ANKS1B: variants seen among roughly 807,000 people sequenced by gnomAD.
The protein encoded by ANKS1B is ankyrin repeat and sterile alpha motif domain containing 1B.
In ANKS1B, 36 loss-of-function variants were observed where a neutral mutation model predicts 148.3. That is an observed-to-expected ratio of 0.24 (90% CI 0.19 to 0.32). The LOEUF is 0.32. Among genes scored for constraint, ANKS1B ranks in the 10% least tolerant of loss-of-function variants. ANKS1B has a pLI of 1.00. For missense variants in ANKS1B, 1,157 were observed against 1,542.6 expected, an observed-to-expected ratio of 0.75 and a Z score of 4.19; for synonymous variants, 542 against 560.8, an observed-to-expected ratio of 0.97 and a Z score of 0.47.
At chr12:99,230,429 G>A (rs559286393) in intron 14 of ANKS1B, among the ~76,000 whole-genome samples, 1 of 152,126 alleles carries the variant, frequency 6.6e-6, no homozygotes, top group South Asian at 2.1e-4. Context: ...ATCTCCCTAG[G>A]CCCCTTCTGG....
At chr12:99,777,657 T>C (rs2063790380) in intron 6 of ANKS1B, among the ~76,000 whole-genome samples, 1 of 152,114 alleles carries the variant, frequency 6.6e-6, no homozygotes, top group Non-Finnish European at 1.5e-5. Context: ...CGATCTCGGC[T>C]CACTGCAACC....
chr12:99,742,062 G>A (rs1201741769), intron 8 of ANKS1B, among the ~76,000 whole-genome samples: 3 of 151,838 alleles, frequency 2.0e-5, no homozygotes, highest in Non-Finnish European at 4.4e-5. Flanking sequence ...GAGAACACAT[G>A]GACACATACA....
intron 9 of ANKS1B, among the ~76,000 whole-genome samples, chr12:99,634,512 AT>A (rs1211463338): frequency 3.3e-5 from 5 of 152,210 alleles, no homozygotes; most frequent in African/African-American, 1.2e-4. Context: ...TAATATATCT[AT>A]TTAATGCATA....
At chr12:99,526,264 C>T (rs936135401) in intron 9 of ANKS1B, among the ~76,000 whole-genome samples, 3 of 152,134 alleles carry the variant, frequency 2.0e-5, no homozygotes, top group Non-Finnish European at 4.4e-5. Context: ...TCATTTGTTA[C>T]AGGAGATCGT....
At chr12:99,361,081 A>G (rs192438891) in intron 12 of ANKS1B, among the ~76,000 whole-genome samples, 4 of 152,232 alleles carry the variant, frequency 2.6e-5, no homozygotes, top group African/African-American at 9.6e-5. Context: ...ACTACAGTCA[A>G]CAACAACTTA....
In ANKS1B at chr12:99,185,618, A is replaced by C. The variant is rs185178116; in HGVS notation, c.2420-31223T>G. Among the ~76,000 whole-genome samples the C allele has an allele frequency of 4.5e-3, 686 of 152,252 alleles. 5 individuals carry two copies. The highest frequency in any genetic ancestry group is 0.016 in the African/African-American group (665 of 41,562). ...GCGAGTAGAAGCAGTGTGAGGTGTCACCTCACCTGGAAGTGCAAGGGGTCG... is the reference window on the plus strand; with the variant it reads ...GCGAGTAGAAGCAGTGTGAGGTGTCCCCTCACCTGGAAGTGCAAGGGGTCG... On this transcript the variant is annotated intron_variant, in intron 14 of 26. Transcript: ENST00000683438.
chr12:99,089,612 A>T (rs2053352948), intron 15 of ANKS1B, among the ~76,000 whole-genome samples: 3 of 152,182 alleles, frequency 2.0e-5, no homozygotes, highest in African/African-American at 7.2e-5. Context: ...TCAGGGACTC[A>T]AAAATACTCA....
At chr12:99,921,172 A>G (rs193029903) in intron 1 of ANKS1B, among the ~76,000 whole-genome samples, 3 of 152,252 alleles carry the variant, frequency 2.0e-5, no homozygotes, top group African/African-American at 4.8e-5. Flanking sequence ...AAGGACCTGT[A>G]ATCCCCATCT....
At chr12:98,859,492 G>A (rs1207890388) in intron 17 of ANKS1B, among the ~76,000 whole-genome samples, 33 of 152,194 alleles carry the variant, frequency 2.2e-4, no homozygotes, top group Admixed American at 2.2e-3. Flanking sequence ...ACAGTTTACA[G>A]TGATTGAGTA....
intron 15 of ANKS1B, among the ~76,000 whole-genome samples, chr12:99,142,716 A>G (rs2071389456): frequency 6.6e-6 from 1 of 152,116 alleles, no homozygotes; most frequent in Admixed American, 6.6e-5. Context: ...CAGGAAGTCA[A>G]TGGATTGCAT....
At chr12:99,297,162 C>T (rs7299566) in intron 12 of ANKS1B, among the ~76,000 whole-genome samples, 23,729 of 151,902 alleles carry the variant, frequency 0.16, 5,104 homozygotes, top group African/African-American at 0.49. Flanking sequence ...AGTTTCAGGT[C>T]CATGAGAAAT....
intron 17 of ANKS1B, among the ~76,000 whole-genome samples, chr12:98,886,405 C>G (rs2099740277): frequency 6.6e-6 from 1 of 152,102 alleles, no homozygotes; most frequent in Admixed American, 6.6e-5. Context: ...AGTTGAATTA[C>G]TGACACAGAA....
At chr12:99,569,953 CAGCAACAATGT>C (rs1222714419) in intron 9 of ANKS1B, among the ~76,000 whole-genome samples, 3 of 152,142 alleles carry the variant, frequency 2.0e-5, no homozygotes, top group African/African-American at 7.2e-5. Flanking sequence ...GAACACTATC[CAGCAACAATGT>C]TGCAGGATGA....
intron 8 of ANKS1B, among the ~76,000 whole-genome samples, chr12:99,696,525 A>T (rs1271034477): frequency 6.6e-6 from 1 of 152,190 alleles, no homozygotes; most frequent in East Asian, 1.9e-4. Context: ...GAACATCCAC[A>T]TGTAAAAAAA....
chr12:98,821,657 G>A (rs550868508), intron 19 of ANKS1B, among the ~76,000 whole-genome samples: 32 of 152,290 alleles, frequency 2.1e-4, no homozygotes, highest in African/African-American at 7.5e-4. Context: ...TTCCCAGGCT[G>A]GAGTGCAGTG....
At chr12:99,079,082 A>G (rs1054689447) in intron 16 of ANKS1B, among the ~76,000 whole-genome samples, 2 of 152,118 alleles carry the variant, frequency 1.3e-5, no homozygotes, top group Admixed American at 1.3e-4. Context: ...CCTGCCTACA[A>G]CCATGTGAGT....
At chr12:99,710,235 A>C (rs2056439174) in intron 8 of ANKS1B, among the ~76,000 whole-genome samples, 1 of 152,140 alleles carries the variant, frequency 6.6e-6, no homozygotes, top group Non-Finnish European at 1.5e-5. Context: ...ATTCCTCTTG[A>C]CTTTAAACCA....
chr12:99,533,888 A>C (rs980796618), intron 9 of ANKS1B, among the ~76,000 whole-genome samples: 17 of 152,206 alleles, frequency 1.1e-4, no homozygotes, highest in Non-Finnish European at 2.4e-4. Flanking sequence ...AGAATGGATA[A>C]ATAAATAACA....
intron 12 of ANKS1B, among the ~76,000 whole-genome samples, chr12:99,302,735 T>C (rs868660286): frequency 1.3e-5 from 2 of 152,264 alleles, no homozygotes; most frequent in Middle Eastern, 3.4e-3. Context: ...ACATAAAGAA[T>C]AAAATTTGGC....
Sources: allele counts gnomAD v4.1 joint callset (sites outside exome capture counted in the v4.1 genomes callset), GRCh38; gene constraint gnomAD v4.1.1; transcripts MANE v1.5; gene names NCBI Gene and HGNC (gene_info 2026-07-23, HGNC 2026-07-21).